NAV2: variants seen among roughly 807,000 people sequenced by gnomAD.
The protein encoded by NAV2 is helicase, APC down-regulated 1.
A neutral mutation model predicts 223.2 loss-of-function variants in NAV2; 54 were observed. The observed-to-expected ratio is 0.24, with a 90% CI of 0.19 to 0.30. NAV2 has a LOEUF of 0.30. Ranked by LOEUF, NAV2 falls within the 10% of genes least tolerant of loss-of-function variation. NAV2 has a pLI of 1.00. For synonymous variants in NAV2, 1,279 were observed against 1,239.3 expected, an observed-to-expected ratio of 1.03 and a Z score of -0.67; for missense variants, 2,806 against 3,147.5, an observed-to-expected ratio of 0.89 and a Z score of 2.60.
chr11:19,965,178 G>T (rs903602316), intron 10 of NAV2, among the ~76,000 whole-genome samples: 4 of 152,106 alleles, frequency 2.6e-5, no homozygotes, highest in Admixed American at 2.0e-4. Flanking sequence ...TGAGGACACA[G>T]GGATTTGGGG....
chr11:19,877,094 C>T (rs911661971), intron 4 of NAV2, among the ~76,000 whole-genome samples: 1 of 152,004 alleles, frequency 6.6e-6, no homozygotes, highest in Admixed American at 6.6e-5. Context: ...GACCCTGAGT[C>T]GGAAAACCTA....
chr11:19,793,581 A>G (rs1182877074), intron 1 of NAV2, among the ~76,000 whole-genome samples: 1 of 152,186 alleles, frequency 6.6e-6, no homozygotes, highest in African/African-American at 2.4e-5. Flanking sequence ...GGACTGTTCC[A>G]GTAGCCTGGG....
intron 1 of NAV2, among the ~76,000 whole-genome samples, chr11:19,705,708 C>T (rs2049642705): frequency 6.6e-6 from 1 of 152,130 alleles, no homozygotes; most frequent in Non-Finnish European, 1.5e-5. Flanking sequence ...TGTTCCCCCA[C>T]CTAAAGAAAA....
chr11:19,712,004 TCA>T (rs1331324251), upstream of NAV2: 1 of 152,272 alleles, frequency 6.6e-6, no homozygotes, highest in East Asian at 1.9e-4. Context: ...TGATCATCTC[TCA>T]GTTTCCTTCT....
At chr11:19,888,409 A>G (rs1215874566) in intron 5 of NAV2, among the ~76,000 whole-genome samples, 1 of 152,198 alleles carries the variant, frequency 6.6e-6, no homozygotes, top group African/African-American at 2.4e-5. Flanking sequence ...CTCTTCAGCA[A>G]ACAGGGATTC....
At chr11:20,052,207 G>A (rs929639775) in intron 17 of NAV2, among the ~76,000 whole-genome samples, 8 of 152,262 alleles carry the variant, frequency 5.3e-5, no homozygotes, top group African/African-American at 1.9e-4. Flanking sequence ...ATGTTTCATT[G>A]CTGTCATGTA....
intron 2 of NAV2, among the ~76,000 whole-genome samples, chr11:19,838,135 A>G (rs989766928): frequency 6.6e-6 from 1 of 152,226 alleles, no homozygotes; most frequent in Non-Finnish European, 1.5e-5. Context: ...AAGTTGTATC[A>G]AAATGAAAAG....
intron 1 of NAV2, among the ~76,000 whole-genome samples, chr11:19,753,005 T>C (rs1820579108): frequency 6.6e-6 from 1 of 152,138 alleles, no homozygotes; most frequent in African/African-American, 2.4e-5. Context: ...GATGAAGGTA[T>C]TAGACTCATT....
At chr11:19,631,511 T>C (rs1319585724) in intron 1 of NAV2, among the ~76,000 whole-genome samples, 1 of 152,212 alleles carries the variant, frequency 6.6e-6, no homozygotes, top group Non-Finnish European at 1.5e-5. Context: ...GATTTAGGGC[T>C]ATCTTTCCTT....
At chr11:19,461,649 A>G (rs1852165785) in intron 1 of NAV2, among the ~76,000 whole-genome samples, 1 of 152,232 alleles carries the variant, frequency 6.6e-6, no homozygotes, top group Non-Finnish European at 1.5e-5. Context: ...TTTCTTTTCA[A>G]ATCATAGCTT....
At chr11:19,776,089 A>C (rs1293233309) in intron 1 of NAV2, among the ~76,000 whole-genome samples, 7 of 149,966 alleles carry the variant, frequency 4.7e-5, no homozygotes, top group Admixed American at 4.7e-4. Flanking sequence ...ATAATAAAGC[A>C]ATCCATGATT....
chr11:19,913,070 G>A (rs1032880688), intron 6 of NAV2, among the ~76,000 whole-genome samples: 16 of 152,316 alleles, frequency 1.1e-4, no homozygotes, highest in African/African-American at 3.6e-4. Context: ...CTGGACAGCT[G>A]CAGAATCGCT....
intron 1 of NAV2, among the ~76,000 whole-genome samples, chr11:19,567,102 C>T (rs2045291083): frequency 6.6e-6 from 1 of 152,206 alleles, no homozygotes; most frequent in Non-Finnish European, 1.5e-5. Flanking sequence ...CTGTCTCCAC[C>T]ATGTTCCAGA....
At chr11:19,788,431 A>T (rs1017322171) in intron 1 of NAV2, among the ~76,000 whole-genome samples, 1 of 152,080 alleles carries the variant, frequency 6.6e-6, no homozygotes. Context: ...CTAATAGCAA[A>T]TGCTTCCGTT....
At chr11:19,768,056 A>G (rs74586612) in intron 1 of NAV2, among the ~76,000 whole-genome samples, 4 of 152,240 alleles carry the variant, frequency 2.6e-5, no homozygotes, top group Non-Finnish European at 5.9e-5. Flanking sequence ...CAATCCTGGG[A>G]AACAGGGAGT....
intron 1 of NAV2, among the ~76,000 whole-genome samples, chr11:19,649,048 C>T (rs572740591): frequency 1.1e-4 from 17 of 152,208 alleles, no homozygotes; most frequent in Admixed American, 3.3e-4. Flanking sequence ...AATTTGTTTT[C>T]GTGGCTCTAT....
intron 9 of NAV2, among the ~76,000 whole-genome samples, chr11:19,947,968 A>G (rs537786930): frequency 2.6e-5 from 4 of 152,206 alleles, no homozygotes; most frequent in African/African-American, 9.6e-5. Flanking sequence ...CCTTAGGAAA[A>G]GAAGGCTGTG....
chr11:19,874,357 C>T (rs1284079672), intron 4 of NAV2, among the ~76,000 whole-genome samples: 2 of 152,186 alleles, frequency 1.3e-5, no homozygotes, highest in Non-Finnish European at 2.9e-5. Flanking sequence ...AGAGAAAGAA[C>T]AGGGCTCCAG....
chr11:20,049,210 T>G lies in NAV2; in HGVS notation c.4370+15T>G, dbSNP rs369910729. Reference sequence around the variant, plus strand: ...CTGTCAGAAAGGTTGGTGCTGTGCCTCTGGCTGCCTTTCTCAGAAAGACAC... The same window carrying G: ...CTGTCAGAAAGGTTGGTGCTGTGCCGCTGGCTGCCTTTCTCAGAAAGACAC... On this transcript the variant is annotated intron_variant, in intron 15 of 37. Transcript: ENST00000349880. 3.0e-5 allele frequency: 46 copies of G among 1,520,874 alleles called. No individual in the cohort carries two copies. The African/African-American group carries it at 5.6e-4, about 18-fold the overall frequency. 94.2% of individuals were successfully genotyped at this position (1,520,874 alleles called of 1,614,324 possible).
Sources: gnomAD v4.1 joint callset for allele counts (sites outside exome capture counted in the v4.1 genomes callset) on GRCh38, gnomAD v4.1.1 for gene constraint, MANE v1.5 for transcripts, NCBI Gene and HGNC (gene_info 2026-07-23, HGNC 2026-07-21) for gene names.